The following NT5C2 variants were observed in gnomAD, a reference collection of about 807,000 sequenced individuals.
NT5C2 encodes the protein 5'-nucleotidase, cytosolic II, also known as cytosolic purine 5'-nucleotidase.
In NT5C2, 58 loss-of-function variants were observed where a neutral mutation model predicts 76.1. The observed-to-expected ratio is 0.76, with a 90% confidence interval of 0.62 to 0.95. The LOEUF (loss-of-function observed/expected upper bound fraction) is 0.95. Ranked by LOEUF, NT5C2 falls within the 40% of genes least tolerant of loss-of-function variation. The pLI is 0.00. For synonymous variants in NT5C2, 229 were observed against 237.4 expected (o/e 0.96, Z 0.32); for missense variants, 478 against 690.3 (o/e 0.69, Z 3.45).
chr10:103,149,602 T>C (rs1167763396), intron 3 of NT5C2, among the ~76,000 whole-genome samples: 2 of 152,208 alleles, frequency 1.3e-5, no homozygotes, highest in African/African-American at 4.8e-5. Flanking sequence ...TTCCTCTAAA[T>C]TGTTTTTCAC....
rs1328439123 is a variant in NT5C2 at position 103,094,014 on chromosome 10, T to C, written c.946A>G (p.Thr316Ala). 4.3e-6 allele frequency: 7 copies of C among 1,613,644 alleles called. No homozygotes were observed. Among genetic ancestry groups the C allele is most frequent in the Non-Finnish European group, 5.9e-6 (7 of 1,179,728 alleles). ...DTKTGKLKIG[T>A]YTGPLQHGIV... Reference sequence around the variant, plus strand: ...CCATGCTGTAGGGGCCCTGTGTAGGTACCAATTTTCAGCTTGCCAGTTTTC... The same window carrying C: ...CCATGCTGTAGGGGCCCTGTGTAGGCACCAATTTTCAGCTTGCCAGTTTTC... The change falls in exon 14 of 19, where the codon ACC becomes GCC. Residue 316 changes from threonine (T) to alanine (A), a missense_variant. Physicochemically the swap from Thr to Ala is moderately conservative, Grantham distance 58 (BLOSUM62 0). Coordinates refer to ENST00000404739, the MANE Select transcript of NT5C2 (RefSeq NM_001351169.2).
chr10:103,139,327 T>C (rs541331717), intron 4 of NT5C2, 79 bp downstream of exon 4: 1 of 827,068 alleles, frequency 1.2e-6, no homozygotes, highest in South Asian at 2.2e-5. Context: ...TCAGCAAATG[T>C]CAATTGAATT....
At chr10:103,125,122 G>C (rs901489741) in intron 4 of NT5C2, 5 of 481,240 alleles carry the variant, frequency 1.0e-5, no homozygotes, top group African/African-American at 6.1e-5. Context: ...CAAACTGGCA[G>C]GATGGAAGCA....
At chr10:103,142,222 T>C (rs1008409508) in intron 3 of NT5C2, among the ~76,000 whole-genome samples, 2 of 152,108 alleles carry the variant, frequency 1.3e-5, no homozygotes, top group African/African-American at 2.4e-5. Context: ...GTAAGCCACA[T>C]TAGGGAATTT....
intron 3 of NT5C2, among the ~76,000 whole-genome samples, chr10:103,156,215 G>A (rs2083344278): frequency 6.6e-6 from 1 of 152,136 alleles, no homozygotes; most frequent in Non-Finnish European, 1.5e-5. Context: ...AGACCTACGG[G>A]GGGATACTGC....
chr10:103,189,173 G>C (rs2092398344), intron 1 of NT5C2, among the ~76,000 whole-genome samples: 1 of 151,560 alleles, frequency 6.6e-6, no homozygotes, highest in Admixed American at 6.6e-5. Context: ...TATTTTTATA[G>C]GCTCATTAGT....
intron 4 of NT5C2, among the ~76,000 whole-genome samples, chr10:103,126,058 T>A (rs1431372706): frequency 6.6e-6 from 1 of 152,174 alleles, no homozygotes; most frequent in Non-Finnish European, 1.5e-5. Flanking sequence ...TAAAAAAGAC[T>A]GTGTGCTCAG....
intron 3 of NT5C2, among the ~76,000 whole-genome samples, chr10:103,165,436 T>C (rs962935895): frequency 1.3e-5 from 2 of 151,376 alleles, no homozygotes; most frequent in African/African-American, 4.9e-5. Context: ...GAGGTTGCAG[T>C]GAGCCAACAT....
intron 4 of NT5C2, among the ~76,000 whole-genome samples, chr10:103,131,246 A>G (rs2078110862): frequency 6.6e-6 from 1 of 151,326 alleles, no homozygotes; most frequent in Admixed American, 6.6e-5. Context: ...CTAGTAATCT[A>G]TCTATGCTGT....
chr10:103,164,862 TACC>T (rs1364669766), intron 3 of NT5C2, among the ~76,000 whole-genome samples: 3 of 152,212 alleles, frequency 2.0e-5, no homozygotes, highest in Non-Finnish European at 4.4e-5. Context: ...ATGCCACCAA[TACC>T]ACTTTTCTTC....
chr10:103,128,977 G>T (rs983535981), intron 4 of NT5C2, among the ~76,000 whole-genome samples: 2 of 111,692 alleles, frequency 1.8e-5, no homozygotes, highest in Non-Finnish European at 4.0e-5. Flanking sequence ...AGGGAGGTAG[G>T]GGGGGGTCAA....
chr10:103,128,683 A>C (rs1278227925), intron 4 of NT5C2, among the ~76,000 whole-genome samples: 2 of 25,052 alleles, frequency 8.0e-5, no homozygotes, highest in African/African-American at 1.7e-4. Flanking sequence ...CCGGCCGCCC[A>C]TCGTCTGAGA....
intron 1 of NT5C2, among the ~76,000 whole-genome samples, chr10:103,192,878 G>A (rs896925194): frequency 2.6e-5 from 4 of 152,218 alleles, no homozygotes; most frequent in African/African-American, 7.2e-5. Context: ...GGGGGAAGAG[G>A]GCGGAACGCG....
At chr10:103,097,553 CAT>C (rs1488348844) in intron 10 of NT5C2, among the ~76,000 whole-genome samples, 179 bp from the exon 11 acceptor site, 6 of 152,304 alleles carry the variant, frequency 3.9e-5, no homozygotes, top group African/African-American at 1.4e-4. Flanking sequence ...AAAGTATTAA[CAT>C]ATGTAGTATA....
chr10:103,150,884 T>C (rs984281248), intron 3 of NT5C2, among the ~76,000 whole-genome samples: 1 of 152,244 alleles, frequency 6.6e-6, no homozygotes, highest in Non-Finnish European at 1.5e-5. Context: ...ATTCAGAATA[T>C]TTTCTCCCAG....
At chr10:103,099,662 AAT>A (rs2069064713) in intron 9 of NT5C2, among the ~76,000 whole-genome samples, 1 of 152,200 alleles carries the variant, frequency 6.6e-6, no homozygotes, top group Admixed American at 6.5e-5. Flanking sequence ...AGTATAATGT[AAT>A]ACACTAAAAC....
At chr10:103,090,073 G>C (rs2066323251) in intron 18 of NT5C2, 165 bp from the exon 19 acceptor site, 2 of 510,948 alleles carry the variant, frequency 3.9e-6, no homozygotes, top group Non-Finnish European at 6.7e-6. Context: ...ATAGTTGCCT[G>C]TCTTCCTCTC....
At chr10:103,138,931 C>T (rs1219195463) in intron 4 of NT5C2, among the ~76,000 whole-genome samples, 1 of 151,874 alleles carries the variant, frequency 6.6e-6, no homozygotes, top group Non-Finnish European at 1.5e-5. Context: ...CGCTTGAACC[C>T]AGGAGGTGGA....
intron 3 of NT5C2, among the ~76,000 whole-genome samples, chr10:103,161,486 GAAT>G (rs1378194903): frequency 6.6e-6 from 1 of 152,180 alleles, no homozygotes; most frequent in Non-Finnish European, 1.5e-5. Flanking sequence ...CTGACCAATA[GAAT>G]ATTATTTGGC....
Sources: allele counts gnomAD v4.1 joint callset (sites outside exome capture counted in the v4.1 genomes callset), GRCh38; gene constraint gnomAD v4.1.1; transcripts MANE v1.5; gene names NCBI Gene and HGNC (gene_info 2026-07-23, HGNC 2026-07-21).